Variants in PDHA2 observed in about 807,000 individuals in gnomAD.
The protein encoded by PDHA2 is pyruvate dehydrogenase E1 subunit alpha 2, also known as pyruvate dehydrogenase E1 component subunit alpha, testis-specific form, mitochondrial.
For missense variants in PDHA2, 533 were observed against 495.8 expected (o/e 1.07, Z -0.71); for synonymous variants, 188 against 185.9 (o/e 1.01, Z -0.09).
rs777440285 is a variant in PDHA2 at position 95,840,115 on chromosome 4, G to A, written c.-36G>A. The A allele has an allele frequency of 1.6e-5, 24 of 1,544,246 alleles. 1 individual carries two copies. The highest frequency in any genetic ancestry group is 6.3e-5 in the South Asian group (5 of 79,410). ...GCCAGGCCTTCCGGCGGTCGTTACGGGACGCCGCTGCCATCTACAGCACTC... is the reference window on the plus strand; with the variant it reads ...GCCAGGCCTTCCGGCGGTCGTTACGAGACGCCGCTGCCATCTACAGCACTC... On this transcript the variant is annotated 5_prime_UTR_variant, in exon 1 of 1. Coordinates refer to ENST00000295266, the MANE Select transcript of PDHA2 (RefSeq NM_005390.5).
Position 95,840,470 on chromosome 4 carries a change from AC to A in PDHA2, c.324del (p.Ser109ArgfsTer28), listed in dbSNP as rs1242349008. ...TGCGTGGGCCTTGAGGCCGGCATAA[AC>A]CCCTCGGATCACGTCATTACATCCT... ...ACCVGLEAGI[N>X]PSDHVITSYR... On this transcript the variant is annotated frameshift_variant, in exon 1 of 1. Transcript: ENST00000295266. LOFTEE classifies it low-confidence loss of function (END_TRUNC). The A allele has an allele frequency of 6.2e-7, 1 of 1,613,796 alleles. No homozygotes were observed. Among genetic ancestry groups the A allele is most frequent in the Non-Finnish European group, 8.5e-7 (1 of 1,179,980 alleles).
chr4:95,841,238 G>T lies in PDHA2; in HGVS notation c.1088G>T (p.Gly363Val), dbSNP rs758883397. ...TDPEPHLEEL[G>V]HHIYSSDSSF... Reference sequence around the variant, plus strand: ...CCTGAGCCACATTTGGAAGAATTAGGCCATCACATCTACAGCAGTGATTCA... The same window carrying T: ...CCTGAGCCACATTTGGAAGAATTAGTCCATCACATCTACAGCAGTGATTCA... The change falls in exon 1 of 1, where the codon GGC (glycine) becomes GTC (valine). Residue 363 changes from glycine (G) to valine (V), a missense_variant. Coordinates refer to ENST00000295266, the MANE Select transcript of PDHA2 (RefSeq NM_005390.5). 2 of 1,613,984 alleles carry T rather than the reference G, an allele frequency of 1.2e-6. No individual in the cohort carries two copies. The highest frequency in any genetic ancestry group is 2.7e-5 in the African/African-American group (2 of 74,908).
rs566326869 is a variant in PDHA2, at chr4:95,841,412, C to T, written c.*95C>T. The T allele has an allele frequency of 2.1e-6, 2 of 935,560 alleles. No individual in the cohort carries two copies. Among genetic ancestry groups the T allele is most frequent in the Non-Finnish European group, 3.3e-6 (2 of 606,256 alleles). 58.0% of individuals were successfully genotyped at this position (935,560 alleles called of 1,614,324 possible). ...GTTCTCAACTCAAGGAGGAATAAAA[C>T]TCATAAAACAAAAGCCTTGTAAGCA... On this transcript the variant is annotated 3_prime_UTR_variant, in exon 1 of 1. Transcript: ENST00000295266.
chr4:95,841,458 A>G lies in PDHA2; in HGVS notation c.*141A>G, dbSNP rs1578313996. On this transcript the variant is annotated 3_prime_UTR_variant, in exon 1 of 1. Transcript: ENST00000295266. ...AAGCATTTATTAAAAGAGATTATTA[A>G]AAGAGATTGAAAGACATGCATTCAA... 2 of 654,982 alleles carry G rather than the reference A, an allele frequency of 3.1e-6. No homozygotes were observed. Among genetic ancestry groups the G allele is most frequent in the East Asian group, 2.7e-5 (1 of 36,746 alleles). The allele number at this position is 654,982 out of a possible 1,614,324, so 40.6% of individuals were successfully genotyped here. A position where few individuals can be genotyped will look rare whatever the true frequency, so the allele number is the denominator to read the frequency against.
Position 95,840,724 on chromosome 4 carries a change from T to C in PDHA2, c.574T>C (p.Tyr192His), listed in dbSNP as rs766792057. 38 of 1,614,110 alleles carry C rather than the reference T, an allele frequency of 2.4e-5. No individual in the cohort carries two copies. The highest frequency in any genetic ancestry group is 1.6e-4 in the Middle Eastern group (1 of 6,084). Residue 192 changes from tyrosine to histidine, a missense_variant, in exon 1 of 1, where the codon TAT becomes CAT. Transcript: ENST00000295266. ...AAACGATGAGATCTGTTTGACTTTATATGGGGATGGCGCTGCGAATCAGGG... is the reference window on the plus strand; with the variant it reads ...AAACGATGAGATCTGTTTGACTTTACATGGGGATGGCGCTGCGAATCAGGG... The part of the protein sequence containing the change: ...KGNDEICLTL[Y>H]GDGAANQGQI...
rs780028575 is a variant in PDHA2, at chr4:95,840,856, G to A, written c.706G>A (p.Ala236Thr). ...GGGAACATCTACTGAGAGAGCAGCA[G>A]CCAGCCCTGATTACTACAAGAGGGG... ...GMGTSTERAA[A>T]SPDYYKRGNF... is the part of the protein sequence containing the mutation. The change falls in exon 1 of 1, where the codon GCC becomes ACC. Residue 236 changes from alanine (A) to threonine (T), a missense_variant. Transcript: ENST00000295266. The A allele has an allele frequency of 1.9e-6, 3 of 1,613,900 alleles. No individual in the cohort carries two copies. Among genetic ancestry groups the A allele is most frequent in the East Asian group, 4.5e-5 (2 of 44,868 alleles).
Position 95,841,377 on chromosome 4 carries a change from A to G in PDHA2, c.*60A>G. 7.5e-7 allele frequency: 1 copy of G among 1,336,866 alleles called. No homozygotes were observed. The highest frequency in any genetic ancestry group is 1.1e-6 in the Non-Finnish European group (1 of 942,588). 82.8% of individuals were successfully genotyped at this position (1,336,866 alleles called of 1,614,324 possible). On this transcript the variant is annotated 3_prime_UTR_variant, in exon 1 of 1. Coordinates refer to ENST00000295266, the MANE Select transcript of PDHA2 (RefSeq NM_005390.5). Reference sequence around the variant, plus strand: ...CAATGGAATGTTCATGGTCAAATTTAAGAAACTGTGTTCTCAACTCAAGGA... The same window carrying G: ...CAATGGAATGTTCATGGTCAAATTTGAGAAACTGTGTTCTCAACTCAAGGA...
Position 95,841,275 on chromosome 4 carries a change from T to C in PDHA2, c.1125T>C (p.Val375=). 1 of 1,614,152 alleles carries C rather than the reference T, an allele frequency of 6.2e-7. No individual in the cohort carries two copies. The highest frequency in any genetic ancestry group is 8.5e-7 in the Non-Finnish European group (1 of 1,180,028). ...ACAGCAGTGATTCATCTTTTGAAGTTCGTGGTGCAAATCCATGGATCAAGT... is the reference window on the plus strand; with the variant it reads ...ACAGCAGTGATTCATCTTTTGAAGTCCGTGGTGCAAATCCATGGATCAAGT... ...HIYSSDSSFE[V]RGANPWIKFK... The change falls in exon 1 of 1, where the codon GTT becomes GTC. Residue 375 remains valine (V), a synonymous_variant. Coordinates refer to ENST00000295266, the MANE Select transcript of PDHA2 (RefSeq NM_005390.5).
chr4:95,840,896 G>A lies in PDHA2; in HGVS notation c.746G>A (p.Gly249Glu). 3.7e-6 allele frequency: 6 copies of A among 1,614,050 alleles called. No homozygotes were observed. The highest frequency in any genetic ancestry group is 5.1e-6 in the Non-Finnish European group (6 of 1,180,014). ...TACAAGAGGGGCAATTTTATCCCTG[G>A]GCTAAAGGTCGATGGAATGGATGTT... ...DYYKRGNFIP[G>E]LKVDGMDVLC... The change falls in exon 1 of 1, where the codon GGG becomes GAG. Residue 249 changes from glycine to glutamate, a missense_variant. Transcript: ENST00000295266.
In PDHA2 at chr4:95,840,367, G is replaced by T; in HGVS notation, c.217G>T (p.Glu73Ter). The T allele has an allele frequency of 6.2e-7, 1 of 1,614,252 alleles. No homozygotes were observed. The highest frequency in any genetic ancestry group is 8.5e-7 in the Non-Finnish European group (1 of 1,180,054). ...YRMMLTVRRM[E>*]LKADQLYKQK... ...GATGATGCTGACTGTTCGCCGCATG[G>T]AATTGAAGGCAGATCAGCTGTACAA... Residue 73 changes from glutamate to a stop codon, truncating the protein, a stop_gained, in exon 1 of 1, where the codon GAA becomes TAA. Coordinates refer to ENST00000295266, the MANE Select transcript of PDHA2 (RefSeq NM_005390.5). LOFTEE classifies it low-confidence loss of function (END_TRUNC).
rs1251870542 is a variant in PDHA2 at position 95,840,165 on chromosome 4, C to T, written c.15C>T (p.Phe5=). The part of the protein sequence containing the change: MLAA[F]ISRVLRRVAQ... ...CCGTGAAGAATATGCTGGCCGCCTT[C>T]ATCTCCCGCGTGTTGAGGCGAGTTG... The change falls in exon 1 of 1, where the codon TTC becomes TTT. Residue 5 remains phenylalanine, a synonymous_variant. Transcript: ENST00000295266. 1 of 1,610,824 alleles carries T rather than the reference C, an allele frequency of 6.2e-7. No individual in the cohort carries two copies. The highest frequency in any genetic ancestry group is 1.1e-5 in the South Asian group (1 of 90,540).
At position 95,841,027 on chromosome 4, in the gene PDHA2, A is replaced by T; in HGVS notation, c.877A>T (p.Ser293Cys). The T allele has an allele frequency of 6.2e-7, 1 of 1,614,138 alleles. No individual in the cohort carries two copies. Among genetic ancestry groups the T allele is most frequent in the Non-Finnish European group, 8.5e-7 (1 of 1,180,044 alleles). Residue 293 changes from serine to cysteine, a missense_variant, in exon 1 of 1, where the codon AGT becomes TGT. Ser to Cys is a moderately radical substitution (Grantham distance 112). Transcript: ENST00000295266. ...QTYRYHGHSM[S>C]DPGVSYRTRE... is the part of the protein sequence containing the mutation. ...CTACCGTTATCATGGACACAGTATG[A>T]GTGATCCTGGAGTCAGTTATCGTAC... is the stretch of plus-strand genomic sequence containing the variant.
In PDHA2 at chr4:95,840,503, C is replaced by G. The variant is rs770581110; in HGVS notation, c.353C>G (p.Ala118Gly). 1 of 1,614,060 alleles carries G rather than the reference C, an allele frequency of 6.2e-7. No individual in the cohort carries two copies. Among genetic ancestry groups the G allele is most frequent in the Non-Finnish European group, 8.5e-7 (1 of 1,180,060 alleles). Reference sequence around the variant, plus strand: ...GATCACGTCATTACATCCTATAGGGCTCATGGTGTGTGCTATACTCGGGGA... The same window carrying G: ...GATCACGTCATTACATCCTATAGGGGTCATGGTGTGTGCTATACTCGGGGA... ...PSDHVITSYR[A>G]HGVCYTRGLS... The change falls in exon 1 of 1, where the codon GCT (alanine) becomes GGT (glycine). Residue 118 changes from alanine to glycine, a missense_variant. Coordinates refer to ENST00000295266, the MANE Select transcript of PDHA2 (RefSeq NM_005390.5).
At position 95,840,844 on chromosome 4, in the gene PDHA2, G is replaced by C. The variant is rs1233615872; in HGVS notation, c.694G>C (p.Glu232Gln). 9 of 1,614,040 alleles carry C rather than the reference G, an allele frequency of 5.6e-6. No homozygotes were observed. Among genetic ancestry groups the C allele is most frequent in the Non-Finnish European group, 6.8e-6 (8 of 1,179,948 alleles). Residue 232 changes from glutamate (E) to glutamine (Q), a missense_variant, in exon 1 of 1, where the codon GAG becomes CAG. Physicochemically the swap from Glu to Gln is conservative, Grantham distance 29 (BLOSUM62 2). Coordinates refer to ENST00000295266, the MANE Select transcript of PDHA2 (RefSeq NM_005390.5). Reference sequence around the variant, plus strand: ...CCTATATGGAATGGGAACATCTACTGAGAGAGCAGCAGCCAGCCCTGATTA... The same window carrying C: ...CCTATATGGAATGGGAACATCTACTCAGAGAGCAGCAGCCAGCCCTGATTA... ...NNLYGMGTST[E>Q]RAAASPDYYK...
chr4:95,840,537 C>T lies in PDHA2; in HGVS notation c.387C>T (p.Val129=). 1 of 1,614,134 alleles carries T rather than the reference C, an allele frequency of 6.2e-7. No homozygotes were observed. Among genetic ancestry groups the T allele is most frequent in the East Asian group, 2.2e-5 (1 of 44,844 alleles). The change falls in exon 1 of 1, where the codon GTC becomes GTT. Residue 129 remains valine (V), a synonymous_variant. Transcript: ENST00000295266. ...HGVCYTRGLS[V]RSILAELTGR... ...TGTGCTATACTCGGGGACTTTCTGT[C>T]CGATCCATTCTCGCAGAGCTGACGG... is the stretch of plus-strand genomic sequence containing the variant.
In PDHA2 at chr4:95,840,997, C is replaced by CA; in HGVS notation, c.850dup (p.Thr284AsnfsTer11). 3.7e-6 allele frequency: 6 copies of CA among 1,614,070 alleles called. No individual in the cohort carries two copies. The highest frequency in any genetic ancestry group is 5.1e-6 in the Non-Finnish European group (6 of 1,180,020). Reference sequence around the variant, plus strand: ...AAAGGGGCCCATACTGATGGAGCTGCAAACCTACCGTTATCATGGACACAG... The same window carrying CA: ...AAAGGGGCCCATACTGATGGAGCTGCAAAACCTACCGTTATCATGGACACAG... On this transcript the variant is annotated frameshift_variant, in exon 1 of 1. Transcript: ENST00000295266. LOFTEE classifies it low-confidence loss of function (END_TRUNC).
chr4:95,840,727 G>A lies in PDHA2; in HGVS notation c.577G>A (p.Gly193Arg), dbSNP rs1210252318. 6.2e-7 allele frequency: 1 copy of A among 1,614,156 alleles called. No homozygotes were observed. The highest frequency in any genetic ancestry group is 1.7e-5 in the Admixed American group (1 of 60,026). The stretch of plus-strand genomic sequence containing the variant: ...CGATGAGATCTGTTTGACTTTATAT[G>A]GGGATGGCGCTGCGAATCAGGGGCA... The part of the protein sequence containing the change: ...GNDEICLTLY[G>R]DGAANQGQIA... Residue 193 changes from glycine to arginine, a missense_variant, in exon 1 of 1, where the codon GGG (glycine) becomes AGG (arginine). Gly to Arg is a moderately radical substitution (Grantham distance 125). Transcript: ENST00000295266.
chr4:95,840,321 G>A lies in PDHA2; in HGVS notation c.171G>A (p.Ala57=), dbSNP rs111350017. The change falls in exon 1 of 1, where the codon GCG becomes GCA. Residue 57 remains alanine (A), a synonymous_variant. Coordinates refer to ENST00000295266, the MANE Select transcript of PDHA2 (RefSeq NM_005390.5). The part of the protein sequence containing the change: ...GPPVTTVLTR[A]EGLKYYRMML... ...CTGTCACTACAGTGCTCACTAGGGC[G>A]GAGGGGCTTAAATACTACAGGATGA... 4.5e-5 allele frequency: 73 copies of A among 1,614,060 alleles called. No individual in the cohort carries two copies. Among genetic ancestry groups the A allele is most frequent in the Non-Finnish European group, 5.7e-5 (67 of 1,180,038 alleles).
rs750792962 is a variant in PDHA2, at chr4:95,840,464, G to A, written c.314G>A (p.Gly105Asp). The part of the protein sequence containing the change: ...QEACCVGLEA[G>D]INPSDHVITS... ...GCTTGTTGCGTGGGCCTTGAGGCCG[G>A]CATAAACCCCTCGGATCACGTCATT... is the stretch of plus-strand genomic sequence containing the variant. Residue 105 changes from glycine (G) to aspartate (D), a missense_variant, in exon 1 of 1, where the codon GGC (glycine) becomes GAC (aspartate). Physicochemically the swap from Gly to Asp is moderately conservative, Grantham distance 94. Coordinates refer to ENST00000295266, the MANE Select transcript of PDHA2 (RefSeq NM_005390.5). 6.8e-6 allele frequency: 11 copies of A among 1,614,194 alleles called. No homozygotes were observed. The highest frequency in any genetic ancestry group is 9.3e-6 in the Non-Finnish European group (11 of 1,180,038).
Sources: allele counts gnomAD v4.1 joint callset, GRCh38; gene constraint gnomAD v4.1.1; transcripts MANE v1.5; gene names NCBI Gene and HGNC (gene_info 2026-07-23, HGNC 2026-07-21).